The following KIF7 variants were observed in gnomAD, a reference collection of about 807,000 sequenced individuals.
The protein encoded by KIF7 is kinesin-like protein KIF7.
A neutral mutation model predicts 135.7 loss-of-function variants in KIF7; 104 were observed. The observed-to-expected ratio is 0.77, with a 90% confidence interval of 0.65 to 0.90. KIF7 has a LOEUF of 0.90. KIF7 is among the 40% of genes least tolerant of loss of function. KIF7 has a pLI of 0.00. For synonymous variants in KIF7, 883 were observed against 809.4 expected, an observed-to-expected ratio of 1.09 and a Z score of -1.54; for missense variants, 2,005 against 1,839.1, an observed-to-expected ratio of 1.09 and a Z score of -1.65.
rs1444695062 is a variant in KIF7, at chr15:89,629,118, G to A, written c.3522C>T (p.His1174=). 1 of 1,611,872 alleles carries A rather than the reference G, an allele frequency of 6.2e-7. No individual in the cohort carries two copies. Among genetic ancestry groups the A allele is most frequent in the Non-Finnish European group, 8.5e-7 (1 of 1,179,696 alleles). ...MQLLLQQSRD[H]LGEGLADSRR... is the part of the protein sequence containing the mutation. ...TGCTGTCTGCTAACCCTTCACCGAG[G>A]TGGTCTAGAGTGGAAAGGTCGAGGA... Residue 1174 remains histidine, a synonymous_variant, in exon 18 of 19, where the codon CAC becomes CAT. Coordinates refer to ENST00000394412, the MANE Select transcript of KIF7 (RefSeq NM_198525.3).
chr15:89,633,609 CCTGGGCTCCCCTGG>C (rs1963733600), intron 12 of KIF7, 63 bp downstream of exon 12: 30 of 1,516,636 alleles, frequency 2.0e-5, no homozygotes, highest in Non-Finnish European at 2.5e-5. Context: ...GCAAACCCTG[CCTGGGCTCCCCTGG>C]CTGGGCCGCC....
intron 12 of KIF7, 121 bp from the exon 13 acceptor site, chr15:89,633,387 C>G: frequency 7.7e-7 from 1 of 1,304,194 alleles, no homozygotes; most frequent in Middle Eastern, 2.6e-4. Flanking sequence ...GCGAAGTGTC[C>G]CCCAGACCCA....
downstream of KIF7, chr15:89,627,028 C>CCAT (rs1286274693): frequency 3.7e-6 from 6 of 1,613,984 alleles, no homozygotes; most frequent in Non-Finnish European, 5.1e-6. Flanking sequence ...AGGAGGCGCC[C>CCAT]CATCAGCAGA....
rs752933212 is a variant in KIF7, at chr15:89,628,645, A to G, written c.3806T>C (p.Val1269Ala). Residue 1269 changes from valine to alanine, a missense_variant, in exon 19 of 19, where the codon GTC (valine) becomes GCC (alanine). Transcript: ENST00000394412. ...CCAGGTCAAGGGTAACGGAGCGTGG[A>G]CCAAGTCCCGCGTCTCCTCCCGGGT... is the stretch of plus-strand genomic sequence containing the variant. ...PRTREETRDL[V>A]HAPLPLTWKR... 20 of 1,613,088 alleles carry G rather than the reference A, an allele frequency of 1.2e-5. No homozygotes were observed. The East Asian group carries it at 3.6e-4, about 29-fold the overall frequency.
the KIF7 span, among the ~76,000 whole-genome samples, chr15:89,660,503 G>T: frequency 2.4e-3 from 360 of 152,250 alleles, 1 homozygote; most frequent in Non-Finnish European, 3.8e-3. Context: ...GGAGTTGATC[G>T]CTGGAGCTGG....
At position 89,632,813 on chromosome 15, in the gene KIF7, G is replaced by A. The variant is rs549295826; in HGVS notation, c.2895+7C>T. 289 of 1,601,728 alleles carry A rather than the reference G, an allele frequency of 1.8e-4. 1 individual carries two copies. The highest frequency in any genetic ancestry group is 1.3e-3 in the South Asian group (118 of 90,004). On this transcript the variant is annotated splice_region_variant and intron_variant, in intron 14 of 18. Coordinates refer to ENST00000394412, the MANE Select transcript of KIF7 (RefSeq NM_198525.3). Reference sequence around the variant, plus strand: ...ACCTGGCAGGATCTCTCCTGGCAGGGCCTCACCTGGCTGGATCTCAGGCGC... The same window carrying A: ...ACCTGGCAGGATCTCTCCTGGCAGGACCTCACCTGGCTGGATCTCAGGCGC...
chr15:89,622,456 A>G (rs910005645), intron 1 of KIF7, among the ~76,000 whole-genome samples: 3 of 152,140 alleles, frequency 2.0e-5, no homozygotes, highest in African/African-American at 7.2e-5. Context: ...TAAAATGTTC[A>G]CTTTGCTTAA....
At chr15:89,639,449 AAAAC>A (rs1255499375) in intron 11 of KIF7, among the ~76,000 whole-genome samples, 10 of 130,022 alleles carry the variant, frequency 7.7e-5, no homozygotes, top group Non-Finnish European at 1.1e-4. Context: ...TTACAAGAAA[AAAAC>A]AAACAACCCC....
At chr15:89,658,113 T>C (rs184585405), upstream of KIF7, among the ~76,000 whole-genome samples, 22 of 152,300 alleles carry the variant, frequency 1.4e-4, no homozygotes, top group East Asian at 4.2e-3. Flanking sequence ...CCAGCTGACA[T>C]TCGAGAGAAC....
chr15:89,661,876 A>G, the KIF7 span, among the ~76,000 whole-genome samples: 1 of 151,974 alleles, frequency 6.6e-6, no homozygotes, highest in Non-Finnish European at 1.5e-5. Flanking sequence ...CACTTATTAC[A>G]GGTGCGTGCC....
At position 89,628,963 on chromosome 15, in the gene KIF7, G is replaced by A. The variant is rs780993719; in HGVS notation, c.3664+13C>T. 76 of 1,613,710 alleles carry A rather than the reference G, an allele frequency of 4.7e-5. No homozygotes were observed. Among genetic ancestry groups the A allele is most frequent in the Middle Eastern group, 3.3e-4 (2 of 6,084 alleles). On this transcript the variant is annotated intron_variant, in intron 18 of 18. Transcript: ENST00000394412. ...GGGAACAGGTCTGACTTCAGAGCGC[G>A]ACGAGGAGTTACCCCTGCTGTGGCC...
chr15:89,655,586 A>AGGGC (rs1964197655), upstream of KIF7: 1 of 151,620 alleles, frequency 6.6e-6, no homozygotes, highest in African/African-American at 2.4e-5. Context: ...GCCCGCAGAC[A>AGGGC]GGGCGGGCGG....
At chr15:89,625,905 A>G (rs200653728), downstream of KIF7, 38 of 1,545,956 alleles carry the variant, frequency 2.5e-5, no homozygotes, top group Admixed American at 3.9e-4. Context: ...GGGTCTGGGG[A>G]CGCTGCTCTT....
At chr15:89,629,326 G>A (rs757961615) in intron 17 of KIF7, 49 bp downstream of exon 17, 6 of 1,259,924 alleles carry the variant, frequency 4.8e-6, no homozygotes, top group Non-Finnish European at 6.4e-6. Flanking sequence ...GATGGGGGTG[G>A]GGGGGATGGA....
chr15:89,646,565 C>T (rs988102684), intron 7 of KIF7, among the ~76,000 whole-genome samples: 1 of 152,180 alleles, frequency 6.6e-6, no homozygotes, highest in Non-Finnish European at 1.5e-5. Flanking sequence ...ATGCCGGAAG[C>T]CTGAACCCCC....
chr15:89,618,038 T>G lies in KIF7; in HGVS notation c.*66A>C, dbSNP rs940110469. The G allele has an allele frequency of 5.9e-5, 62 of 1,055,500 alleles. No homozygotes were observed. In the African/African-American group the frequency reaches 8.4e-4, roughly 14 times the overall value. The allele number at this position is 1,055,500 out of a possible 1,614,324, so 65.4% of individuals were successfully genotyped here. On this transcript the variant is annotated 3_prime_UTR_variant and NMD_transcript_variant, in exon 2 of 3. Coordinates refer to the KIF7 transcript ENST00000558928. ...TATGAGAGCCCTTTACCAGCACTGG[T>G]GTTATCAGACCCTGTGATCTTTGTG...
Position 89,648,357 on chromosome 15 carries a change from G to T in KIF7, c.1341C>A (p.Val447=). Residue 447 remains valine, a synonymous_variant, in exon 5 of 19, where the codon GTC becomes GTA. Coordinates refer to ENST00000394412, the MANE Select transcript of KIF7 (RefSeq NM_198525.3). ...ARKVRDWLCA[V]EGERSALSSA... ...AGCTCAGGGCGCTGCGCTCGCCCTC[G>T]ACGGCGCACAGCCAGTCGCGCACCT... 1 of 1,424,876 alleles carries T rather than the reference G, an allele frequency of 7.0e-7. No homozygotes were observed. Among genetic ancestry groups the T allele is most frequent in the South Asian group, 1.3e-5 (1 of 75,020 alleles). The allele number at this position is 1,424,876 out of a possible 1,614,324, so 88.3% of individuals were successfully genotyped here.
intron 10 of KIF7, among the ~76,000 whole-genome samples, chr15:89,643,125 T>C (rs1963952466): frequency 6.6e-6 from 1 of 152,166 alleles, no homozygotes; most frequent in Non-Finnish European, 1.5e-5. Flanking sequence ...AGAAGGGAGA[T>C]GTCAGAGACC....
chr15:89,659,010 G>T (rs1415961262), upstream of KIF7, among the ~76,000 whole-genome samples: 1 of 152,100 alleles, frequency 6.6e-6, no homozygotes, highest in Non-Finnish European at 1.5e-5. Context: ...AGCACCACAG[G>T]AAAGGTTAAA....
Sources: allele counts gnomAD v4.1 joint callset (sites outside exome capture counted in the v4.1 genomes callset), GRCh38; gene constraint gnomAD v4.1.1; transcripts MANE v1.5; gene names NCBI Gene and HGNC (gene_info 2026-07-23, HGNC 2026-07-21).